Variants in RALGPS2 observed in about 807,000 individuals in gnomAD.
RALGPS2 encodes ras-specific guanine nucleotide-releasing factor RalGPS2.
A neutral mutation model predicts 86.8 loss-of-function variants in RALGPS2; 43 were observed. That is an observed-to-expected ratio of 0.50 (90% CI 0.39 to 0.64). The LOEUF (loss-of-function observed/expected upper bound fraction) is 0.64, where lower values mean the gene tolerates loss of function less well. Among genes scored for constraint, RALGPS2 ranks in the 30% least tolerant of loss-of-function variants. The pLI is 0.00. For synonymous variants in RALGPS2, 243 were observed against 231.3 expected (o/e 1.05, Z -0.46); for missense variants, 536 against 694.6 (o/e 0.77, Z 2.57).
intron 1 of RALGPS2, among the ~76,000 whole-genome samples, chr1:178,744,611 C>T (rs768735802): frequency 6.6e-6 from 1 of 151,782 alleles, no homozygotes; most frequent in Non-Finnish European, 1.5e-5. Context: ...GTCAGGAGCT[C>T]GAGACCAGCC....
intron 4 of RALGPS2, among the ~76,000 whole-genome samples, chr1:178,807,112 T>A (rs527655048): frequency 6.6e-6 from 1 of 152,250 alleles, no homozygotes; most frequent in Admixed American, 6.5e-5. Flanking sequence ...GCAGTAGGAT[T>A]GCTTCAGCAA....
Position 178,767,358 on chromosome 1 carries a change from C to CTTT in RALGPS2, c.-83-9303_-83-9301dup, listed in dbSNP as rs1159630163. On this transcript the variant is annotated intron_variant, in intron 1 of 19. Transcript: ENST00000367635. ...AGTCTCTGAAGTTGCTGTCCTTTGG[C>CTTT]TTTTTTTTTTTTTTTTTTTTTTTGG... Among the ~76,000 whole-genome samples the CTTT allele has an allele frequency of 4.9e-3, 344 of 70,440 alleles. 1 individual carries two copies. The highest frequency in any genetic ancestry group is 9.7e-3 in the African/African-American group (154 of 15,902). 46.2% of individuals were successfully genotyped at this position (70,440 alleles called of 152,430 possible). A position where few individuals can be genotyped will look rare whatever the true frequency, so the allele number is the denominator to read the frequency against.
chr1:178,902,751 A>G (rs1660229953), intron 18 of RALGPS2, among the ~76,000 whole-genome samples: 1 of 152,128 alleles, frequency 6.6e-6, no homozygotes, highest in Non-Finnish European at 1.5e-5. Context: ...CCACACAATT[A>G]TTGTATTTAT....
intron 13 of RALGPS2, among the ~76,000 whole-genome samples, chr1:178,888,779 C>T (rs535411406): frequency 9.2e-5 from 14 of 152,110 alleles, no homozygotes; most frequent in African/African-American, 3.1e-4. Flanking sequence ...CTAAGAGAGA[C>T]GAGTCTAATG....
rs180974377 is a variant in RALGPS2, at chr1:178,799,384, G to A, written c.214-8661G>A. On this transcript the variant is annotated intron_variant, in intron 4 of 19. Transcript: ENST00000367635. ...GTGTCCTACTCTGGAAAAAAAAAAT[G>A]CCACAAAGGACATATATTAGCAAGG... Among the ~76,000 whole-genome samples the A allele has an allele frequency of 9.2e-5, 14 of 152,008 alleles. No homozygotes were observed. The East Asian group carries it at 2.5e-3, about 27-fold the overall frequency.
At chr1:178,744,286 A>G (rs1366438450) in intron 1 of RALGPS2, among the ~76,000 whole-genome samples, 2 of 152,352 alleles carry the variant, frequency 1.3e-5, no homozygotes, top group South Asian at 2.1e-4. Context: ...GGAGGCAAGC[A>G]TTTGATGATC....
chr1:178,771,889 A>G (rs1407780477), intron 1 of RALGPS2, among the ~76,000 whole-genome samples: 1 of 152,164 alleles, frequency 6.6e-6, no homozygotes, highest in Admixed American at 6.5e-5. Flanking sequence ...TAATGGCTGC[A>G]TAGTTTTCCA....
At chr1:178,840,985 C>A (rs1453703800) in intron 8 of RALGPS2, among the ~76,000 whole-genome samples, 12 of 152,140 alleles carry the variant, frequency 7.9e-5, no homozygotes, top group African/African-American at 2.4e-4. Context: ...CAATAACAGG[C>A]TCTGAAATTG....
At chr1:178,906,720 T>G in intron 18 of RALGPS2, 56 bp from the exon 19 acceptor site, 1 of 1,404,092 alleles carries the variant, frequency 7.1e-7, no homozygotes, top group Non-Finnish European at 9.9e-7. Flanking sequence ...CTGGCAGAAT[T>G]ATTATGTGTC....
At chr1:178,836,666 T>G (rs1293947999) in intron 8 of RALGPS2, among the ~76,000 whole-genome samples, 2 of 152,206 alleles carry the variant, frequency 1.3e-5, no homozygotes, top group Non-Finnish European at 2.9e-5. Flanking sequence ...GTAGCACCAG[T>G]CTTTCTTGGT....
rs373872418 is a variant in RALGPS2, at chr1:178,877,456, C to T, written c.608-42C>T. 117 of 1,608,220 alleles carry T rather than the reference C, an allele frequency of 7.3e-5. 1 individual carries two copies. The highest frequency in any genetic ancestry group is 9.7e-5 in the Non-Finnish European group (114 of 1,177,332). ...CCTTTTCTTTGTCATAGTCTCCCAA[C>T]CTACAACTAAGAAAACGTTCATTTA... On this transcript the variant is annotated intron_variant, in intron 8 of 19. Coordinates refer to ENST00000367635, the MANE Select transcript of RALGPS2 (RefSeq NM_152663.5).
intron 1 of RALGPS2, among the ~76,000 whole-genome samples, chr1:178,741,148 A>G (rs899035511): frequency 6.6e-6 from 1 of 152,208 alleles, no homozygotes; most frequent in Non-Finnish European, 1.5e-5. Flanking sequence ...TAAACAAGAT[A>G]AGGTATAGGG....
Position 178,889,623 on chromosome 1 carries a change from G to C in RALGPS2, c.1193-19G>C. 1 of 1,563,120 alleles carries C rather than the reference G, an allele frequency of 6.4e-7. No individual in the cohort carries two copies. Among genetic ancestry groups the C allele is most frequent in the Middle Eastern group, 1.7e-4 (1 of 5,952 alleles). On this transcript the variant is annotated intron_variant, in intron 13 of 19. Transcript: ENST00000367635. ...AGGTAATTCTGATGTTTAAAAAATA[G>C]GATAACTTTTCATTTTAGGTAGCAG...
chr1:178,848,041 G>T (rs1279736159), intron 8 of RALGPS2, among the ~76,000 whole-genome samples: 1 of 152,148 alleles, frequency 6.6e-6, no homozygotes, highest in Non-Finnish European at 1.5e-5. Flanking sequence ...GGACACAGTG[G>T]CTCACACCTG....
chr1:178,835,523 G>T (rs1656232704), intron 8 of RALGPS2, among the ~76,000 whole-genome samples: 1 of 151,726 alleles, frequency 6.6e-6, no homozygotes, highest in Non-Finnish European at 1.5e-5. Context: ...CTCCCAGGTA[G>T]CTGGGATTAC....
chr1:178,898,655 A>G (rs1022859561), intron 17 of RALGPS2, among the ~76,000 whole-genome samples: 6 of 151,932 alleles, frequency 3.9e-5, no homozygotes, highest in African/African-American at 1.4e-4. Context: ...GTGTTAGCAT[A>G]TATGTTTCCC....
At chr1:178,731,842 G>A (rs1558092470) in intron 1 of RALGPS2, among the ~76,000 whole-genome samples, 1 of 152,064 alleles carries the variant, frequency 6.6e-6, no homozygotes, top group Non-Finnish European at 1.5e-5. Context: ...TGAAGGTTAG[G>A]TAGTATTTTA....
intron 1 of RALGPS2, among the ~76,000 whole-genome samples, chr1:178,735,148 A>G (rs907136655): frequency 1.3e-5 from 2 of 152,198 alleles, no homozygotes; most frequent in Non-Finnish European, 2.9e-5. Flanking sequence ...ATAGTATAAC[A>G]CTGTACAGTA....
chr1:178,839,054 A>T (rs1390032314), intron 8 of RALGPS2, among the ~76,000 whole-genome samples: 2 of 152,224 alleles, frequency 1.3e-5, no homozygotes, highest in Non-Finnish European at 2.9e-5. Context: ...CCCGAAAGTG[A>T]CAGGGAGAAT....
Sources: allele counts gnomAD v4.1 joint callset (sites outside exome capture counted in the v4.1 genomes callset), GRCh38; gene constraint gnomAD v4.1.1; transcripts MANE v1.5; gene names NCBI Gene and HGNC (gene_info 2026-07-23, HGNC 2026-07-21).